The following IL1RAP variants were observed in gnomAD, a reference collection of about 807,000 sequenced individuals.
The protein encoded by IL1RAP is interleukin-1 receptor accessory protein.
A neutral mutation model predicts 60.7 loss-of-function variants in IL1RAP; 35 were observed. That is an observed-to-expected ratio of 0.58 (90% CI 0.44 to 0.76). The LOEUF (loss-of-function observed/expected upper bound fraction) is 0.76, where lower values mean the gene tolerates loss of function less well. IL1RAP is among the 30% of genes least tolerant of loss of function. The probability of loss-of-function intolerance (pLI) is 0.00; values close to 1 mark genes in which losing one functional copy is unlikely to be tolerated. For missense variants in IL1RAP, 572 were observed against 693.9 expected (o/e 0.82, Z 1.97); for synonymous variants, 268 against 250.9 (o/e 1.07, Z -0.64).
At chr3:190,597,342 A>G (rs913652222) in intron 3 of IL1RAP, among the ~76,000 whole-genome samples, 1 of 152,190 alleles carries the variant, frequency 6.6e-6, no homozygotes, top group Admixed American at 6.5e-5. Context: ...GTTAATCAAG[A>G]TAGGCAGTAC....
intron 6 of IL1RAP, among the ~76,000 whole-genome samples, chr3:190,622,918 T>C (rs1731904718): frequency 6.6e-6 from 1 of 152,222 alleles, no homozygotes; most frequent in South Asian, 2.1e-4. Flanking sequence ...TCTTTCTGGC[T>C]ACTAGCGCTC....
chr3:190,641,023 T>C (rs1394314402), intron 9 of IL1RAP, among the ~76,000 whole-genome samples: 1 of 152,202 alleles, frequency 6.6e-6, no homozygotes, highest in Non-Finnish European at 1.5e-5. Context: ...TGGAGTGCAA[T>C]GGTGCAATCT....
At chr3:190,636,853 A>C (rs1258779510) in intron 9 of IL1RAP, among the ~76,000 whole-genome samples, 1 of 151,984 alleles carries the variant, frequency 6.6e-6, no homozygotes, top group East Asian at 1.9e-4. Context: ...TTTGTTGTCC[A>C]CCTGTCTTTA....
chr3:190,649,397 A>T lies in IL1RAP; in HGVS notation c.*692A>T, dbSNP rs1734257499. The stretch of plus-strand genomic sequence containing the variant: ...TTGTTTTTGCTCCAGTCAATTCCTG[A>T]TTATCCACAGGTCAACCCACATTTT... On this transcript the variant is annotated 3_prime_UTR_variant, in exon 12 of 12. Coordinates refer to ENST00000447382, the MANE Select transcript of IL1RAP (RefSeq NM_002182.4). 1.0e-6 allele frequency: 1 copy of T among 985,630 alleles called. No homozygotes were observed. Among genetic ancestry groups the T allele is most frequent in the African/African-American group, 1.7e-5 (1 of 57,236 alleles). 61.1% of individuals were successfully genotyped at this position (985,630 alleles called of 1,614,324 possible).
intron 3 of IL1RAP, among the ~76,000 whole-genome samples, chr3:190,601,709 T>G (rs1729875237): frequency 6.6e-6 from 1 of 152,232 alleles, no homozygotes; most frequent in African/African-American, 2.4e-5. Context: ...CTTGTATTTT[T>G]GCTTCTGAGT....
intron 11 of IL1RAP, 110 bp downstream of exon 11, chr3:190,645,952 C>T: frequency 1.1e-6 from 1 of 904,516 alleles, no homozygotes; most frequent in Non-Finnish European, 1.7e-6. Flanking sequence ...TATTTAATGT[C>T]CGATGCTCTT....
intron 3 of IL1RAP, among the ~76,000 whole-genome samples, chr3:190,596,985 G>A (rs1729431785): frequency 6.6e-6 from 1 of 152,078 alleles, no homozygotes; most frequent in Non-Finnish European, 1.5e-5. Context: ...TTTCAAATGG[G>A]CAAATATCCC....
At chr3:190,528,842 C>T (rs193270893) in intron 1 of IL1RAP, among the ~76,000 whole-genome samples, 2 of 152,252 alleles carry the variant, frequency 1.3e-5, no homozygotes, top group East Asian at 3.9e-4. Flanking sequence ...ACAGGTTGGA[C>T]AGAGAGAGAT....
At chr3:190,557,756 T>C (rs16865597) in intron 2 of IL1RAP, among the ~76,000 whole-genome samples, 24,672 of 152,208 alleles carry the variant, frequency 0.16, 2,592 homozygotes, top group African/African-American at 0.3. Context: ...TTTGTTGAGT[T>C]TTTAAAAAGA....
chr3:190,525,289 G>A (rs1207088228), intron 1 of IL1RAP, among the ~76,000 whole-genome samples: 1 of 152,194 alleles, frequency 6.6e-6, no homozygotes. Context: ...AGTCAGAGAA[G>A]TGATCTCCGA....
At chr3:190,643,741 C>G (rs905058499) in intron 9 of IL1RAP, among the ~76,000 whole-genome samples, 12 of 152,116 alleles carry the variant, frequency 7.9e-5, no homozygotes, top group African/African-American at 2.9e-4. Flanking sequence ...CAATTAAATT[C>G]CTTTCATACT....
In IL1RAP at chr3:190,648,699, T is replaced by C. The variant is rs781173051; in HGVS notation, c.1707T>C (p.Asn569=). ...GCCTCTCGTATTCATCTTTGAAAAA[T>C]GTATGAAAGGAATAATGAAAAGGGT... The part of the protein sequence containing the change: ...EQGLSYSSLK[N]V Residue 569 remains asparagine, a synonymous_variant, in exon 12 of 12, where the codon AAT becomes AAC. Coordinates refer to ENST00000447382, the MANE Select transcript of IL1RAP (RefSeq NM_002182.4). 3 of 1,607,992 alleles carry C rather than the reference T, an allele frequency of 1.9e-6. No individual in the cohort carries two copies. The highest frequency in any genetic ancestry group is 2.5e-6 in the Non-Finnish European group (3 of 1,177,748).
chr3:190,622,009 T>C (rs1391416054), intron 6 of IL1RAP, among the ~76,000 whole-genome samples: 1 of 146,296 alleles, frequency 6.8e-6, no homozygotes, highest in East Asian at 2.0e-4. Flanking sequence ...AGTCATCAAG[T>C]AGACTAATGT....
rs562279983 is a variant in IL1RAP at position 190,651,356 on chromosome 3, C to G, written c.*2651C>G. The G allele has an allele frequency of 2.9e-5, 25 of 871,208 alleles. No homozygotes were observed. Among genetic ancestry groups the G allele is most frequent in the Non-Finnish European group, 3.2e-5 (23 of 725,970 alleles). The allele number at this position is 871,208 out of a possible 1,614,324, so 54.0% of individuals were successfully genotyped here. On this transcript the variant is annotated 3_prime_UTR_variant, in exon 12 of 12. Transcript: ENST00000447382. The stretch of plus-strand genomic sequence containing the variant: ...AAAATCACTTCATTGTATTTGGAAA[C>G]AAAAACATCATTCATTAATTACTTA...
intron 1 of IL1RAP, among the ~76,000 whole-genome samples, chr3:190,536,851 C>T (rs1723505638): frequency 6.6e-6 from 1 of 151,936 alleles, no homozygotes; most frequent in African/African-American, 2.4e-5. Flanking sequence ...ATAAAATAAG[C>T]ATCTTTTATA....
At chr3:190,647,954 G>C (rs1375700024) in intron 11 of IL1RAP, among the ~76,000 whole-genome samples, 1 of 152,134 alleles carries the variant, frequency 6.6e-6, no homozygotes, top group Non-Finnish European at 1.5e-5. Flanking sequence ...GGTGAAGAAA[G>C]GGCTCATGAG....
chr3:190,533,806 A>G (rs981228669), intron 1 of IL1RAP, among the ~76,000 whole-genome samples: 1 of 152,166 alleles, frequency 6.6e-6, no homozygotes, highest in African/African-American at 2.4e-5. Context: ...CCCTGAAACA[A>G]GTCCGAGTCA....
intron 2 of IL1RAP, among the ~76,000 whole-genome samples, chr3:190,561,745 C>G (rs1310006737): frequency 6.6e-6 from 1 of 152,124 alleles, no homozygotes; most frequent in African/African-American, 2.4e-5. Flanking sequence ...AAGTTTAATG[C>G]AGAATTATTA....
At chr3:190,548,233 G>A (rs1249548590) in intron 1 of IL1RAP, among the ~76,000 whole-genome samples, 1 of 152,110 alleles carries the variant, frequency 6.6e-6, no homozygotes. Flanking sequence ...TTCTTAGGAT[G>A]ACCTGTGGCC....
Sources: allele counts gnomAD v4.1 joint callset (sites outside exome capture counted in the v4.1 genomes callset), GRCh38; gene constraint gnomAD v4.1.1; transcripts MANE v1.5; gene names NCBI Gene and HGNC (gene_info 2026-07-23, HGNC 2026-07-21).